The following HNRNPUL2 variants were observed in gnomAD, a reference collection of about 807,000 sequenced individuals.
The protein encoded by HNRNPUL2 is heterogeneous nuclear ribonucleoprotein U like 2, also known as heterogeneous nuclear ribonucleoprotein U-like protein 2.
A neutral mutation model predicts 102.2 loss-of-function variants in HNRNPUL2; 27 were observed. The observed-to-expected ratio is 0.26, with a 90% confidence interval of 0.19 to 0.36. The LOEUF is 0.36. Among genes scored for constraint, HNRNPUL2 ranks in the 10% least tolerant of loss-of-function variants. HNRNPUL2 has a pLI of 1.00. For missense variants in HNRNPUL2, 936 were observed against 981.1 expected, an observed-to-expected ratio of 0.95 and a Z score of 0.61; for synonymous variants, 458 against 387.2, an observed-to-expected ratio of 1.18 and a Z score of -2.15.
intron 10 of HNRNPUL2, among the ~76,000 whole-genome samples, 155 bp downstream of exon 10, chr11:62,719,868 T>C (rs1029317911): frequency 2.6e-5 from 4 of 152,154 alleles, no homozygotes; most frequent in Non-Finnish European, 5.9e-5. Context: ...CCTCCTGACA[T>C]GGAATGATGC....
In HNRNPUL2 at chr11:62,720,109, T is replaced by G; in HGVS notation, c.1694A>C (p.Asn565Thr). Residue 565 changes from asparagine (N) to threonine (T), a missense_variant, in exon 10 of 14, where the codon AAT (asparagine) becomes ACT (threonine). By Grantham distance (65) the Asn-to-Thr change is moderately conservative. Around this residue, in one of 2 missense-constraint regions of HNRNPUL2, gnomAD observed 609 missense variants for 713.0 expected, o/e 0.85. Coordinates refer to ENST00000301785, the MANE Select transcript of HNRNPUL2 (RefSeq NM_001079559.3). ...CAGCCTCTTCTTCCAATCTTCCTCA[T>G]TAGGGACAACCACCACCACTTTCCG... is the stretch of plus-strand genomic sequence containing the variant. Reference protein sequence around the residue: ...FSRKVVVVVPNEEDWKKRLEL... With the variant: ...FSRKVVVVVPTEEDWKKRLEL... The G allele has an allele frequency of 6.2e-7, 1 of 1,614,136 alleles. No individual in the cohort carries two copies. Among genetic ancestry groups the G allele is most frequent in the Non-Finnish European group, 8.5e-7 (1 of 1,179,980 alleles).
Position 62,727,225 on chromosome 11 carries a change from C to A in HNRNPUL2, c.-69G>T. On this transcript the variant is annotated 5_prime_UTR_variant, in exon 1 of 14. Transcript: ENST00000301785. ...GAACCGTCGACCGAGTCCGACCGCG[C>A]AGGCGCCGCCGCCGCCGCCCGCCTC... 1 of 1,308,362 alleles carries A rather than the reference C, an allele frequency of 7.6e-7. No individual in the cohort carries two copies. Among genetic ancestry groups the A allele is most frequent in the Admixed American group, 4.3e-5 (1 of 23,482 alleles). 81.0% of individuals were successfully genotyped at this position (1,308,362 alleles called of 1,614,324 possible).
In HNRNPUL2 at chr11:62,727,078, C is replaced by T; in HGVS notation, c.79G>A (p.Val27Met). ...TCCTGCAGCCGCTGCGCCAGATCCA[C>T]CTTGAGGCCGCGCGAGTCCAGGCCC... ...RRGLDSRGLK[V>M]DLAQRLQEAL... The change falls in exon 1 of 14, where the codon GTG becomes ATG. Residue 27 changes from valine (V) to methionine (M), a missense_variant. Physicochemically the swap from Val to Met is conservative, Grantham distance 21. Around this residue, in one of 2 missense-constraint regions of HNRNPUL2, gnomAD observed 327 missense variants for 268.1 expected, o/e 1.22. Transcript: ENST00000301785. 2 of 1,444,462 alleles carry T rather than the reference C, an allele frequency of 1.4e-6. No individual in the cohort carries two copies. Among genetic ancestry groups the T allele is most frequent in the Non-Finnish European group, 1.8e-6 (2 of 1,100,362 alleles). 89.5% of individuals were successfully genotyped at this position (1,444,462 alleles called of 1,614,324 possible).
chr11:62,715,580 T>G lies in HNRNPUL2; in HGVS notation c.2083A>C (p.Arg695=). 1 of 1,612,856 alleles carries G rather than the reference T, an allele frequency of 6.2e-7. No homozygotes were observed. The highest frequency in any genetic ancestry group is 8.5e-7 in the Non-Finnish European group (1 of 1,178,970). ...CCGTAAAATCGATCATAGTCTCCCC[T>G]GTATCGATCATAGAAATTACGGTAA... ...GGYRNFYDRY[R]GDYDRFYGRD... is the part of the protein sequence containing the mutation. The change falls in exon 13 of 14, where the codon AGG becomes CGG. Residue 695 remains arginine, a synonymous_variant. Coordinates refer to ENST00000301785, the MANE Select transcript of HNRNPUL2 (RefSeq NM_001079559.3).
chr11:62,723,902 C>T lies in HNRNPUL2; in HGVS notation c.751+12G>A. ...TTAGTTAAAAACCACAGTCTGTCTG[C>T]CTTATACATACACGTGTCCAGGTTC... On this transcript the variant is annotated intron_variant, in intron 3 of 13. Coordinates refer to ENST00000301785, the MANE Select transcript of HNRNPUL2 (RefSeq NM_001079559.3). 1 of 1,612,616 alleles carries T rather than the reference C, an allele frequency of 6.2e-7. No homozygotes were observed. The highest frequency in any genetic ancestry group is 8.5e-7 in the Non-Finnish European group (1 of 1,178,724).
rs1189217366 is a variant in HNRNPUL2, at chr11:62,715,540, T to C, written c.2123A>G (p.Tyr708Cys). The C allele has an allele frequency of 1.6e-5, 26 of 1,613,018 alleles. No individual in the cohort carries two copies. Among genetic ancestry groups the C allele is most frequent in the Non-Finnish European group, 2.1e-5 (25 of 1,179,220 alleles). The change falls in exon 13 of 14, where the codon TAC (tyrosine) becomes TGC (cysteine). Residue 708 changes from tyrosine (Y) to cysteine (C), a missense_variant. Around this residue, in one of 2 missense-constraint regions of HNRNPUL2, gnomAD observed 609 missense variants for 713.0 expected, o/e 0.85. Coordinates refer to ENST00000301785, the MANE Select transcript of HNRNPUL2 (RefSeq NM_001079559.3). Reference sequence around the variant, plus strand: ...TCTGTAATAGTCTCTGTATCTGTTGTACTCATAATCTCGCCCGTAAAATCG... The same window carrying C: ...TCTGTAATAGTCTCTGTATCTGTTGCACTCATAATCTCGCCCGTAAAATCG... ...YDRFYGRDYE[Y>C]NRYRDYYRQY...
rs2083633562 is a variant in HNRNPUL2 at position 62,713,347 on chromosome 11, G to A, written c.*1952C>T. The A allele has an allele frequency of 1.3e-5, 2 of 152,122 alleles. No homozygotes were observed. The highest frequency in any genetic ancestry group is 1.3e-4 in the Admixed American group (2 of 15,270). 9.4% of individuals were successfully genotyped at this position (152,122 alleles called of 1,614,324 possible). On this transcript the variant is annotated 3_prime_UTR_variant, in exon 14 of 14. Transcript: ENST00000301785. ...TCTTGCCCTAAGGGAATTTCTTTGG[G>A]CTCCAGTTTTTACCTCCTTGCCTTG...
chr11:62,724,773 AG>A (rs2083731384), intron 1 of HNRNPUL2, among the ~76,000 whole-genome samples: 1 of 152,218 alleles, frequency 6.6e-6, no homozygotes, highest in Non-Finnish European at 1.5e-5. Flanking sequence ...AAAACCTCAA[AG>A]GTTAATTTAA....
At position 62,726,875 on chromosome 11, in the gene HNRNPUL2, G is replaced by A. The variant is rs779813136; in HGVS notation, c.282C>T (p.Asp94=). The A allele has an allele frequency of 3.2e-5, 50 of 1,578,930 alleles. No individual in the cohort carries two copies. The highest frequency in any genetic ancestry group is 4.2e-5 in the Non-Finnish European group (49 of 1,171,552). ...AGGCTTGAGCAGGGGGTGGCTCCTC[G>A]TCCTCGTCCTCAAGCAGCGCCTCCT... ...EDEEALLEDE[D]EEPPPAQALG... The change falls in exon 1 of 14, where the codon GAC becomes GAT. Residue 94 remains aspartate, a synonymous_variant. Transcript: ENST00000301785.
In HNRNPUL2 at chr11:62,714,137, A is replaced by ACCCCCCC. The variant is rs59226130; in HGVS notation, c.*1155_*1161dup. The ACCCCCCC allele has an allele frequency of 6.8e-5, 6 of 87,956 alleles. No individual in the cohort carries two copies. The highest frequency in any genetic ancestry group is 1.3e-4 in the Admixed American group (1 of 7,952). The allele number at this position is 87,956 out of a possible 1,614,324, so 5.4% of individuals were successfully genotyped here. ...CAGCAGCCCCACTGAGCTGCCTCCC[A>ACCCCCCC]CCCCCCCCCACCACCCTCCCCTCTT... On this transcript the variant is annotated 3_prime_UTR_variant, in exon 14 of 14. Coordinates refer to ENST00000301785, the MANE Select transcript of HNRNPUL2 (RefSeq NM_001079559.3).
chr11:62,717,128 C>T lies in HNRNPUL2; in HGVS notation c.1842G>A (p.Glu614=). 6.2e-7 allele frequency: 1 copy of T among 1,614,184 alleles called. No individual in the cohort carries two copies. The highest frequency in any genetic ancestry group is 8.5e-7 in the Non-Finnish European group (1 of 1,180,030). ...TGACAATGGGCTGAGCTTCCTCCTT[C>T]TCCAGCTCCCCATATGTCACCTCAT... ...YMDEVTYGEL[E]KEEAQPIVTK... The change falls in exon 11 of 14, where the codon GAG becomes GAA. Residue 614 remains glutamate (E), a synonymous_variant. Transcript: ENST00000301785.
intron 4 of HNRNPUL2, among the ~76,000 whole-genome samples, chr11:62,723,246 C>A (rs950000207): frequency 1.3e-5 from 2 of 152,232 alleles, no homozygotes; most frequent in African/African-American, 2.4e-5. Context: ...AATCCCAGCA[C>A]TTTGGGAGGC....
intron 13 of HNRNPUL2, 48 bp downstream of exon 13, chr11:62,715,452 C>T (rs752705142): frequency 9.5e-6 from 15 of 1,572,286 alleles, no homozygotes; most frequent in Middle Eastern, 1.7e-4. Flanking sequence ...ACTCATCCTT[C>T]TGCTCCTGCC....
rs777181207 is a variant in HNRNPUL2, at chr11:62,726,739, C to G, written c.418G>C (p.Gly140Arg). ...CCCTGCTCTTCGCCACCATTTACCC[C>G]GCCTGACCCGGCCGTGGCCTCCGCC... The part of the protein sequence containing the change: ...KPAEATAGSG[G>R]VNGGEEQGLG... Residue 140 changes from glycine to arginine, a missense_variant, in exon 1 of 14, where the codon GGG becomes CGG. Coordinates refer to ENST00000301785, the MANE Select transcript of HNRNPUL2 (RefSeq NM_001079559.3). 5.6e-6 allele frequency: 9 copies of G among 1,601,056 alleles called. No homozygotes were observed. The Admixed American group carries it at 1.5e-4, about 27-fold the overall frequency.
At position 62,717,202 on chromosome 11, in the gene HNRNPUL2, G is replaced by A. The variant is rs1361705646; in HGVS notation, c.1781-13C>T. The stretch of plus-strand genomic sequence containing the variant: ...AAAGAGAAGTTGGCTATAAGAGTAA[G>A]AGAGAAGCTTGTGGGCCTGAAAAGT... On this transcript the variant is annotated splice_polypyrimidine_tract_variant and intron_variant, in intron 10 of 13. Transcript: ENST00000301785. The A allele has an allele frequency of 6.2e-7, 1 of 1,608,554 alleles. No homozygotes were observed. Among genetic ancestry groups the A allele is most frequent in the Admixed American group, 1.7e-5 (1 of 59,802 alleles).
chr11:62,727,262 C>G lies in HNRNPUL2; in HGVS notation c.-106G>C. On this transcript the variant is annotated 5_prime_UTR_variant, in exon 1 of 14. Transcript: ENST00000301785. ...CCGCCGCCCGCCTCCGCCTCACGCGCCAGCACTGAGCCCGCGCGAGCGAGC... is the reference window on the plus strand; with the variant it reads ...CCGCCGCCCGCCTCCGCCTCACGCGGCAGCACTGAGCCCGCGCGAGCGAGC... 1.6e-6 allele frequency: 2 copies of G among 1,236,334 alleles called. No homozygotes were observed. Among genetic ancestry groups the G allele is most frequent in the South Asian group, 3.1e-5 (1 of 32,732 alleles). The allele number at this position is 1,236,334 out of a possible 1,614,324, so 76.6% of individuals were successfully genotyped here. A position where few individuals can be genotyped will look rare whatever the true frequency, so the allele number is the denominator to read the frequency against.
At chr11:62,719,181 G>A (rs1017541564) in intron 10 of HNRNPUL2, among the ~76,000 whole-genome samples, 4 of 152,256 alleles carry the variant, frequency 2.6e-5, no homozygotes, top group Admixed American at 6.5e-5. Flanking sequence ...TAGGCACAGC[G>A]GCGTATGCCT....
At chr11:62,724,548 C>T in intron 1 of HNRNPUL2, 122 bp from the exon 2 acceptor site, 3 of 997,424 alleles carry the variant, frequency 3.0e-6, no homozygotes, top group Admixed American at 2.3e-5. Context: ...AGGTTATTCC[C>T]ACTACATTCA....
intron 4 of HNRNPUL2, 43 bp downstream of exon 4, chr11:62,723,544 C>T (rs2083720471): frequency 6.5e-6 from 10 of 1,536,700 alleles, no homozygotes; most frequent in Non-Finnish European, 8.8e-6. Flanking sequence ...CGTAAGCATC[C>T]AGTAATAAAT....
Sources: allele counts gnomAD v4.1 joint callset (sites outside exome capture counted in the v4.1 genomes callset), GRCh38; gene constraint gnomAD v4.1.1; regional missense constraint gnomAD v4.1.1; transcripts MANE v1.5; gene names NCBI Gene and HGNC (gene_info 2026-07-23, HGNC 2026-07-21).